The following NKAIN2 variants were observed in gnomAD, a reference collection of about 807,000 sequenced individuals.
NKAIN2 encodes the protein sodium/potassium-transporting ATPase subunit beta-1-interacting protein 2.
Under a neutral mutation model 32.6 loss-of-function variants are expected in NKAIN2, and 14 were observed. That is an observed-to-expected ratio of 0.43 (90% CI 0.28 to 0.67). The LOEUF (loss-of-function observed/expected upper bound fraction) is 0.67, where lower values mean the gene tolerates loss of function less well. Among genes scored for constraint, NKAIN2 ranks in the 30% least tolerant of loss-of-function variants. The pLI is 0.17. For synonymous variants in NKAIN2, 80 were observed against 87.2 expected (o/e 0.92, Z 0.46); for missense variants, 198 against 258.3 (o/e 0.77, Z 1.60).
intron 3 of NKAIN2, among the ~76,000 whole-genome samples, chr6:124,522,027 G>A (rs926885814): frequency 2.6e-5 from 4 of 151,886 alleles, no homozygotes; most frequent in East Asian, 1.9e-4. Flanking sequence ...TAACCCTACC[G>A]GGTATTTGAA....
rs184301809 is a variant in NKAIN2, at chr6:124,292,986, C to A, written c.192+9844C>A. 7.9e-5 allele frequency among the ~76,000 whole-genome samples: 12 copies of A among 152,160 alleles called. No homozygotes were observed. The East Asian group carries it at 2.3e-3, about 29-fold the overall frequency. On this transcript the variant is annotated intron_variant, in intron 2 of 6. Coordinates refer to ENST00000368417, the MANE Select transcript of NKAIN2 (RefSeq NM_001040214.3). ...AAACAATCTACCCCTTGTCTCAATC[C>A]TGAAACTAGTGATACTTTCCTTGTG...
rs558791229 is a variant in NKAIN2, at chr6:124,297,522, G to T, written c.192+14380G>T. On this transcript the variant is annotated intron_variant, in intron 2 of 6. Transcript: ENST00000368417. ...AGAAAAGGTGGAAACTGGCCCCCCT[G>T]CCCCGTGTGGCTCTCAGGTGGGCTG... is the stretch of plus-strand genomic sequence containing the variant. Among the ~76,000 whole-genome samples, 29 of 152,068 alleles carry T rather than the reference G, an allele frequency of 1.9e-4. No individual in the cohort carries two copies. In the South Asian group the frequency reaches 6.0e-3, roughly 32 times the overall value.
intron 1 of NKAIN2, among the ~76,000 whole-genome samples, chr6:124,085,558 G>A (rs991018391): frequency 8.6e-5 from 13 of 151,652 alleles, no homozygotes; most frequent in Non-Finnish European, 1.8e-4. Context: ...ACTTTTCTTG[G>A]CCCCTGTTTC....
intron 1 of NKAIN2, among the ~76,000 whole-genome samples, chr6:124,244,745 C>T (rs1793302511): frequency 6.6e-6 from 1 of 151,904 alleles, no homozygotes; most frequent in South Asian, 2.1e-4. Context: ...TCTGTTGTTT[C>T]CTTGACACTT....
intron 1 of NKAIN2, among the ~76,000 whole-genome samples, chr6:124,090,371 G>A (rs967308941): frequency 3.9e-5 from 6 of 152,020 alleles, no homozygotes; most frequent in Non-Finnish European, 7.4e-5. Flanking sequence ...AAGTTGACAT[G>A]TGGGTTGGCG....
intron 1 of NKAIN2, among the ~76,000 whole-genome samples, chr6:124,253,262 T>C (rs1793769556): frequency 6.6e-6 from 1 of 152,194 alleles, no homozygotes; most frequent in South Asian, 2.1e-4. Flanking sequence ...CTATTTAAAA[T>C]ATATCTTTTA....
At chr6:123,951,082 C>T (rs964117599) in intron 1 of NKAIN2, among the ~76,000 whole-genome samples, 2 of 151,870 alleles carry the variant, frequency 1.3e-5, no homozygotes, top group Non-Finnish European at 2.9e-5. Context: ...CAATGTTCCT[C>T]TTATTGATTT....
intron 1 of NKAIN2, among the ~76,000 whole-genome samples, chr6:124,271,055 T>C (rs1794741233): frequency 1.3e-5 from 2 of 152,046 alleles, no homozygotes; most frequent in Non-Finnish European, 2.9e-5. Context: ...TGATAGTGAG[T>C]GAGTTTTCAC....
intron 3 of NKAIN2, among the ~76,000 whole-genome samples, chr6:124,405,190 A>G (rs1160712652): frequency 1.3e-5 from 2 of 152,216 alleles, no homozygotes; most frequent in Non-Finnish European, 2.9e-5. Context: ...TTCATGATTT[A>G]CTGGGTACTA....
At chr6:124,676,437 A>G (rs748329332) in intron 4 of NKAIN2, among the ~76,000 whole-genome samples, 2 of 152,112 alleles carry the variant, frequency 1.3e-5, no homozygotes, top group South Asian at 2.1e-4. Context: ...ATCTCCTACT[A>G]TCATTTAATT....
intron 2 of NKAIN2, among the ~76,000 whole-genome samples, chr6:124,309,571 AAATAATT>A (rs1241683613): frequency 6.6e-6 from 1 of 152,116 alleles, no homozygotes; most frequent in Non-Finnish European, 1.5e-5. Flanking sequence ...CATATTATTT[AAATAATT>A]TATTATTACT....
At chr6:123,891,204 G>T (rs1421290580) in intron 1 of NKAIN2, among the ~76,000 whole-genome samples, 1 of 152,096 alleles carries the variant, frequency 6.6e-6, no homozygotes, top group Non-Finnish European at 1.5e-5. Context: ...GGCAAATTGA[G>T]AGTTGTTTAA....
intron 1 of NKAIN2, among the ~76,000 whole-genome samples, chr6:124,086,309 A>T (rs987890345): frequency 2.6e-5 from 4 of 152,016 alleles, no homozygotes; most frequent in African/African-American, 9.7e-5. Flanking sequence ...TATAAATTTC[A>T]GTAAAGGTTC....
chr6:124,602,715 A>T (rs1219283322), intron 3 of NKAIN2, among the ~76,000 whole-genome samples: 1 of 151,760 alleles, frequency 6.6e-6, no homozygotes, highest in Non-Finnish European at 1.5e-5. Context: ...GGAATTGTTG[A>T]TCCAGATTTC....
chr6:124,545,052 A>T (rs766048661), intron 3 of NKAIN2, among the ~76,000 whole-genome samples: 2 of 152,322 alleles, frequency 1.3e-5, no homozygotes, highest in East Asian at 3.9e-4. Context: ...TTTTCTTATT[A>T]GGAAACCGTA....
intron 4 of NKAIN2, among the ~76,000 whole-genome samples, chr6:124,665,969 ACT>A (rs1583609905): frequency 6.6e-6 from 1 of 152,134 alleles, no homozygotes; most frequent in East Asian, 1.9e-4. Context: ...AGTATCAAAG[ACT>A]CTACAACTGT....
rs564373521 is a variant in NKAIN2, at chr6:124,286,496, T to C, written c.192+3354T>C. 3.3e-5 allele frequency among the ~76,000 whole-genome samples: 5 copies of C among 152,288 alleles called. No homozygotes were observed. The East Asian group carries it at 7.7e-4, about 24-fold the overall frequency. On this transcript the variant is annotated intron_variant, in intron 2 of 6. Coordinates refer to ENST00000368417, the MANE Select transcript of NKAIN2 (RefSeq NM_001040214.3). The stretch of plus-strand genomic sequence containing the variant: ...CAGCAGAGTTGATTTCACTGCACTC[T>C]TGCTAACCCTGTGTATTATCTGTTC...
chr6:124,078,837 A>G (rs1783822148), intron 1 of NKAIN2, among the ~76,000 whole-genome samples: 1 of 151,102 alleles, frequency 6.6e-6, no homozygotes, highest in Admixed American at 6.6e-5. Context: ...TTGCAATTAT[A>G]TAGCAAGTAA....
chr6:123,850,677 G>A (rs1490358), intron 1 of NKAIN2, among the ~76,000 whole-genome samples: 148,202 of 152,312 alleles, frequency 0.97, 72,155 homozygotes, highest in East Asian at 1. Flanking sequence ...GAAATATGCA[G>A]TTGCTAAATT....
Sources: gnomAD v4.1 joint callset for allele counts (sites outside exome capture counted in the v4.1 genomes callset) on GRCh38, gnomAD v4.1.1 for gene constraint, MANE v1.5 for transcripts, NCBI Gene and HGNC (gene_info 2026-07-23, HGNC 2026-07-21) for gene names.